The following THEM4 variants were observed in gnomAD, a reference collection of about 807,000 sequenced individuals.
THEM4 encodes acyl-coenzyme A thioesterase THEM4.
Under a neutral mutation model 25.0 loss-of-function variants are expected in THEM4, and 22 were observed. That is an observed-to-expected ratio of 0.88 (90% confidence interval 0.63 to 1.26). The LOEUF is 1.26. Among genes scored for constraint, THEM4 ranks in the 50% most tolerant of loss-of-function variants. THEM4 has a pLI of 0.00. For synonymous variants in THEM4, 113 were observed against 105.6 expected, an observed-to-expected ratio of 1.07 and a Z score of -0.43; for missense variants, 286 against 300.3, an observed-to-expected ratio of 0.95 and a Z score of 0.35.
At chr1:151,893,500 A>G (rs983310147) in intron 2 of THEM4, among the ~76,000 whole-genome samples, 1 of 152,152 alleles carries the variant, frequency 6.6e-6, no homozygotes, top group Non-Finnish European at 1.5e-5. Flanking sequence ...CGAAACATCT[A>G]GCAGAGATGG....
chr1:151,890,241 T>A lies in THEM4; in HGVS notation c.287-868A>T, dbSNP rs1343601732. ...TTTAAAAAGAAACAGAACACTTAGT[T>A]AACAGAACCATATACTCTGGGTAAG... On this transcript the variant is annotated intron_variant, in intron 2 of 5. Transcript: ENST00000368814. The A allele has an allele frequency of 2.2e-5, 10 of 457,304 alleles. No homozygotes were observed. In the East Asian group the frequency reaches 6.3e-4, roughly 29 times the overall value. The allele number at this position is 457,304 out of a possible 1,614,324, so 28.3% of individuals were successfully genotyped here.
chr1:151,890,821 CT>C (rs1405643448), intron 2 of THEM4: 1 of 152,238 alleles, frequency 6.6e-6, no homozygotes, highest in Non-Finnish European at 1.5e-5. Context: ...AGAACTCACT[CT>C]TTTGCACTAC....
Position 151,872,583 on chromosome 1 carries a change from G to A in THEM4, c.*2305C>T, listed in dbSNP as rs1472710475. ...GACATGAGAAATTCCATTTTGATCT[G>A]TTCTAAGAAAATTGCTTTGCCTTGA... On this transcript the variant is annotated 3_prime_UTR_variant, in exon 6 of 6. Coordinates refer to ENST00000368814, the MANE Select transcript of THEM4 (RefSeq NM_053055.5). Among the ~76,000 whole-genome samples the A allele has an allele frequency of 6.6e-6, 1 of 152,128 alleles. No homozygotes were observed. The highest frequency in any genetic ancestry group is 1.5e-5 in the Non-Finnish European group (1 of 68,024).
At chr1:151,884,228 T>C (rs1653913127) in intron 4 of THEM4, among the ~76,000 whole-genome samples, 1 of 152,040 alleles carries the variant, frequency 6.6e-6, no homozygotes, top group Non-Finnish European at 1.5e-5. Flanking sequence ...TGAAAAGCAA[T>C]CGAAACTCTA....
chr1:151,907,559 C>T (rs888485335), intron 1 of THEM4, among the ~76,000 whole-genome samples: 7 of 152,096 alleles, frequency 4.6e-5, no homozygotes, highest in Non-Finnish European at 1.5e-5. Context: ...TGTTCTGGGC[C>T]CAGCTTTTGG....
intron 4 of THEM4, among the ~76,000 whole-genome samples, chr1:151,886,267 TG>T (rs1653969005): frequency 6.6e-6 from 1 of 152,218 alleles, no homozygotes; most frequent in Non-Finnish European, 1.5e-5. Context: ...AACTGATTTT[TG>T]TGGATGGTTT....
At chr1:151,898,038 G>T (rs1300220985) in intron 1 of THEM4, among the ~76,000 whole-genome samples, 1 of 152,240 alleles carries the variant, frequency 6.6e-6, no homozygotes, top group African/African-American at 2.4e-5. Context: ...ACAGGGAGAA[G>T]AAATTCTGCG....
At chr1:151,898,099 C>T (rs1269208839) in intron 1 of THEM4, among the ~76,000 whole-genome samples, 2 of 152,068 alleles carry the variant, frequency 1.3e-5, no homozygotes, top group South Asian at 2.1e-4. Flanking sequence ...GGCCAGAACT[C>T]GGGGAGGGCA....
chr1:151,889,432 G>T, intron 2 of THEM4, 59 bp from the exon 3 acceptor site: 1 of 1,556,204 alleles, frequency 6.4e-7, no homozygotes. Flanking sequence ...TGCCATGGCA[G>T]AGCCAAGCAC....
intron 4 of THEM4, among the ~76,000 whole-genome samples, chr1:151,880,934 C>G (rs915434765): frequency 2.0e-5 from 3 of 151,850 alleles, no homozygotes; most frequent in East Asian, 3.9e-4. Context: ...TTTTTCTAAC[C>G]CTCTTTTTTT....
At chr1:151,903,105 C>A (rs887848107) in intron 1 of THEM4, among the ~76,000 whole-genome samples, 8 of 152,092 alleles carry the variant, frequency 5.3e-5, no homozygotes, top group African/African-American at 1.9e-4. Flanking sequence ...AACCACTTTG[C>A]CCTTAGCCCA....
chr1:151,904,133 C>T (rs866969749), intron 1 of THEM4, among the ~76,000 whole-genome samples: 1 of 152,114 alleles, frequency 6.6e-6, no homozygotes, highest in Non-Finnish European at 1.5e-5. Context: ...AGGGGGCCTG[C>T]TCCAAGCGAA....
At position 151,909,409 on chromosome 1, in the gene THEM4, A is replaced by T. The variant is rs3748805; in HGVS notation, c.50T>A (p.Leu17Gln). The T allele has an allele frequency of 5.3e-6, 8 of 1,498,898 alleles. No individual in the cohort carries two copies. Among genetic ancestry groups the T allele is most frequent in the Middle Eastern group, 2.2e-4 (1 of 4,636 alleles). The allele number at this position is 1,498,898 out of a possible 1,614,324, so 92.8% of individuals were successfully genotyped here. The change falls in exon 1 of 6, where the codon CTG becomes CAG. Residue 17 changes from leucine to glutamine, a missense_variant. Physicochemically the swap from Leu to Gln is moderately radical, Grantham distance 113. Coordinates refer to ENST00000368814, the MANE Select transcript of THEM4 (RefSeq NM_053055.5). ...ARLRTLGALC[L>Q]PPVGRRLPGS... ...CGGCAGGCGCCGGCCTACTGGCGGC[A>T]GGCACAGAGCCCCCAGCGTGCGGAG...
Position 151,873,329 on chromosome 1 carries a change from A to G in THEM4, c.*1559T>C, listed in dbSNP as rs530236241. On this transcript the variant is annotated 3_prime_UTR_variant, in exon 6 of 6. Coordinates refer to ENST00000368814, the MANE Select transcript of THEM4 (RefSeq NM_053055.5). ...TGAAAACAGTAATCAATAAATACTGAGAGAGCTGAGACTGGGGCCGGTGCG... is the reference window on the plus strand; with the variant it reads ...TGAAAACAGTAATCAATAAATACTGGGAGAGCTGAGACTGGGGCCGGTGCG... Among the ~76,000 whole-genome samples the G allele has an allele frequency of 1.3e-5, 2 of 152,248 alleles. No homozygotes were observed. Among genetic ancestry groups the G allele is most frequent in the South Asian group, 4.1e-4 (2 of 4,822 alleles).
At chr1:151,904,892 A>C (rs1654423107) in intron 1 of THEM4, among the ~76,000 whole-genome samples, 1 of 152,190 alleles carries the variant, frequency 6.6e-6, no homozygotes, top group Non-Finnish European at 1.5e-5. Flanking sequence ...TGTAACTATT[A>C]ATTTTAGTTT....
chr1:151,878,609 G>A (rs1187437402), intron 4 of THEM4, among the ~76,000 whole-genome samples: 2 of 152,190 alleles, frequency 1.3e-5, no homozygotes, highest in African/African-American at 4.8e-5. Flanking sequence ...AGAGTTAAGA[G>A]TTGCCCTTGT....
chr1:151,899,494 A>AG (rs1654304528), intron 1 of THEM4, among the ~76,000 whole-genome samples: 1 of 152,068 alleles, frequency 6.6e-6, no homozygotes, highest in South Asian at 2.1e-4. Flanking sequence ...AAAAAAAAAA[A>AG]AAAAGAAGGG....
At position 151,871,495 on chromosome 1, in the gene THEM4, C is replaced by T. The variant is rs1405918371; in HGVS notation, c.*3393G>A. On this transcript the variant is annotated 3_prime_UTR_variant, in exon 6 of 6. Coordinates refer to ENST00000368814, the MANE Select transcript of THEM4 (RefSeq NM_053055.5). ...TGTTCTGCCACCTTTTGTTATCTTA[C>T]ATACTTGTCAAAATACAACCTGAGG... Among the ~76,000 whole-genome samples, 1 of 152,210 alleles carries T rather than the reference C, an allele frequency of 6.6e-6. No individual in the cohort carries two copies. The highest frequency in any genetic ancestry group is 2.4e-5 in the African/African-American group (1 of 41,448).
chr1:151,885,382 G>A (rs989116941), intron 4 of THEM4, among the ~76,000 whole-genome samples: 5 of 151,344 alleles, frequency 3.3e-5, no homozygotes, highest in African/African-American at 1.2e-4. Flanking sequence ...GCCTCCCAAA[G>A]TGCTGGGATT....
Sources: allele counts gnomAD v4.1 joint callset (sites outside exome capture counted in the v4.1 genomes callset), GRCh38; gene constraint gnomAD v4.1.1; transcripts MANE v1.5; gene names NCBI Gene and HGNC (gene_info 2026-07-23, HGNC 2026-07-21).